THRB: variants seen among roughly 807,000 people sequenced by gnomAD.
THRB encodes the protein nuclear receptor subfamily 1 group A member 2.
Under a neutral mutation model 47.8 loss-of-function variants are expected in THRB, and 12 were observed. That is an observed-to-expected ratio of 0.25 (90% CI 0.16 to 0.41). THRB has a LOEUF of 0.41. Among genes scored for constraint, THRB ranks in the 10% least tolerant of loss-of-function variants. The pLI is 1.00. For missense variants in THRB, 348 were observed against 589.2 expected, an observed-to-expected ratio of 0.59 and a Z score of 4.24; for synonymous variants, 218 against 212.2, an observed-to-expected ratio of 1.03 and a Z score of -0.24.
chr3:24,352,116 T>G (rs537338839), intron 1 of THRB, among the ~76,000 whole-genome samples: 1 of 152,168 alleles, frequency 6.6e-6, no homozygotes, highest in African/African-American at 2.4e-5. Flanking sequence ...ATTGACATTT[T>G]GTGTCAACAG....
At chr3:24,442,979 G>A (rs1483897054) in intron 1 of THRB, among the ~76,000 whole-genome samples, 2 of 151,888 alleles carry the variant, frequency 1.3e-5, no homozygotes, top group African/African-American at 4.8e-5. Flanking sequence ...TCAGGAGATC[G>A]AGACCATCCT....
intron 1 of THRB, among the ~76,000 whole-genome samples, chr3:24,450,082 T>C (rs1206818279): frequency 2.0e-5 from 3 of 151,718 alleles, no homozygotes; most frequent in African/African-American, 4.8e-5. Context: ...GGAAGGAAAC[T>C]AGACACTCTT....
At chr3:24,281,111 G>A (rs1187031692) in intron 3 of THRB, among the ~76,000 whole-genome samples, 1 of 152,078 alleles carries the variant, frequency 6.6e-6, no homozygotes, top group African/African-American at 2.4e-5. Context: ...TCCTCGAGAA[G>A]AGCAACACCA....
At chr3:24,417,454 A>C (rs2068856115) in intron 1 of THRB, among the ~76,000 whole-genome samples, 1 of 151,846 alleles carries the variant, frequency 6.6e-6, no homozygotes, top group African/African-American at 2.4e-5. Flanking sequence ...TGTTTGCAAG[A>C]TATGTCACTA....
chr3:24,256,150 G>A (rs1036581116), intron 3 of THRB, among the ~76,000 whole-genome samples: 13 of 152,214 alleles, frequency 8.5e-5, no homozygotes, highest in Non-Finnish European at 1.6e-4. Flanking sequence ...GGAACTAAGG[G>A]AAGAGACAAG....
intron 1 of THRB, among the ~76,000 whole-genome samples, chr3:24,366,741 C>A (rs1159992547): frequency 6.6e-6 from 1 of 151,670 alleles, no homozygotes; most frequent in Non-Finnish European, 1.5e-5. Flanking sequence ...CTGCCTCAGC[C>A]TCCCGAGAAG....
chr3:24,296,281 T>A (rs1047917328), intron 3 of THRB, among the ~76,000 whole-genome samples: 1 of 151,910 alleles, frequency 6.6e-6, no homozygotes, highest in African/African-American at 2.4e-5. Context: ...GAGTCAAGAG[T>A]TATTTGGATG....
chr3:24,229,128 G>C, intron 3 of THRB, 127 bp from the exon 4 acceptor site: 1 of 649,766 alleles, frequency 1.5e-6, no homozygotes, highest in Non-Finnish European at 2.8e-6. Flanking sequence ...ACTCAGAACT[G>C]GGGACACCGA....
chr3:24,375,472 A>G (rs1258317895), intron 1 of THRB, among the ~76,000 whole-genome samples: 1 of 145,686 alleles, frequency 6.9e-6, no homozygotes, highest in Non-Finnish European at 1.5e-5. Context: ...TAATATTAAT[A>G]TATTATAGTT....
chr3:24,403,514 G>T (rs2067587508), intron 1 of THRB, among the ~76,000 whole-genome samples: 1 of 97,920 alleles, frequency 1.0e-5, no homozygotes, highest in African/African-American at 3.3e-5. Context: ...TACTACTAAG[G>T]CATTACTTTT....
intron 5 of THRB, among the ~76,000 whole-genome samples, chr3:24,173,666 A>G (rs77067251): frequency 6.6e-6 from 1 of 152,128 alleles, no homozygotes; most frequent in Admixed American, 6.5e-5. Context: ...TGTCTCCTCT[A>G]TCCCTGGACA....
intron 5 of THRB, among the ~76,000 whole-genome samples, chr3:24,171,608 C>T (rs2040448933): frequency 6.6e-6 from 1 of 152,128 alleles, no homozygotes. Flanking sequence ...TTGACTGTAT[C>T]ATTTCTCCTA....
chr3:24,326,756 CTTTTTTT>C (rs1174687260), intron 2 of THRB, among the ~76,000 whole-genome samples: 18 of 50,004 alleles, frequency 3.6e-4, no homozygotes, highest in Admixed American at 8.8e-4. Context: ...CCAGTCTTGT[CTTTTTTT>C]TTTTTTTTTT....
At chr3:24,157,572 C>T (rs1481532354) in intron 5 of THRB, among the ~76,000 whole-genome samples, 2 of 152,074 alleles carry the variant, frequency 1.3e-5, no homozygotes, top group African/African-American at 2.4e-5. Flanking sequence ...TTCTGTCACC[C>T]GGACTGGAGT....
chr3:24,296,482 G>C (rs1054811437), intron 3 of THRB, among the ~76,000 whole-genome samples: 1 of 152,210 alleles, frequency 6.6e-6, no homozygotes, highest in African/African-American at 2.4e-5. Flanking sequence ...CCTACTATGT[G>C]CCAAGGCACA....
chr3:24,340,057 G>A (rs910569327), intron 1 of THRB, among the ~76,000 whole-genome samples: 7 of 152,180 alleles, frequency 4.6e-5, no homozygotes, highest in East Asian at 1.9e-4. Context: ...GGTGAGGTTG[G>A]CACTATTTCC....
chr3:24,278,176 A>G (rs1215500776), intron 3 of THRB, among the ~76,000 whole-genome samples: 1 of 152,214 alleles, frequency 6.6e-6, no homozygotes, highest in African/African-American at 2.4e-5. Flanking sequence ...TTGCAAGTAC[A>G]TTTGTTCACT....
intron 2 of THRB, among the ~76,000 whole-genome samples, chr3:24,307,810 C>A (rs2057463570): frequency 6.6e-6 from 1 of 152,176 alleles, no homozygotes; most frequent in Non-Finnish European, 1.5e-5. Flanking sequence ...TGTCCATACT[C>A]AAAGATTTCT....
chr3:24,452,215 A>AT (rs959203382), intron 1 of THRB, among the ~76,000 whole-genome samples: 18 of 152,146 alleles, frequency 1.2e-4, no homozygotes, highest in Admixed American at 3.9e-4. Context: ...ATTAATATTT[A>AT]TTTTACCATG....
Sources: allele counts gnomAD v4.1 joint callset (sites outside exome capture counted in the v4.1 genomes callset), GRCh38; gene constraint gnomAD v4.1.1; transcripts MANE v1.5; gene names NCBI Gene and HGNC (gene_info 2026-07-23, HGNC 2026-07-21).